Variants in PDIA2 observed in about 807,000 individuals in gnomAD.
The protein encoded by PDIA2 is protein disulfide isomerase family A member 2, also known as protein disulfide-isomerase A2.
A neutral mutation model predicts 51.1 loss-of-function variants in PDIA2; 76 were observed. The ratio of observed to expected loss-of-function variants is 1.49; its 90% CI spans 1.24 to 1.80. The LOEUF (loss-of-function observed/expected upper bound fraction) is 1.80, where lower values mean the gene tolerates loss of function less well. Among genes scored for constraint, PDIA2 ranks in the 40% most tolerant of loss-of-function variants. The pLI is 0.00. For synonymous variants in PDIA2, 429 were observed against 309.9 expected (o/e 1.38, Z -4.04); for missense variants, 946 against 706.5 (o/e 1.34, Z -3.84).
At chr16:284,318 G>GT in intron 1 of PDIA2, 69 bp from the exon 2 acceptor site, 20 of 1,424,142 alleles carry the variant, frequency 1.4e-5, no homozygotes, top group Non-Finnish European at 1.9e-5. Flanking sequence ...TCCCTGCTGG[G>GT]TTGTCAGGTG....
rs750205803 is a variant in PDIA2, at chr16:285,080, C to A, written c.679-4C>A. 6.2e-7 allele frequency: 1 copy of A among 1,613,032 alleles called. No homozygotes were observed. The highest frequency in any genetic ancestry group is 1.1e-5 in the South Asian group (1 of 91,080). ...CGCCCGCTAACCCACCTGCTGCTGT[C>A]CAGTTTGATGAGGGGCGGGCAGACT... On this transcript the variant is annotated splice_polypyrimidine_tract_variant and splice_region_variant and intron_variant, in intron 4 of 10. Transcript: ENST00000219406.
In PDIA2 at chr16:284,703, G is replaced by GTGGGGCCCAGTGCCATGCGGC. The variant is rs753418013; in HGVS notation, c.455_475dup (p.Gly152_Leu158dup). The GTGGGGCCCAGTGCCATGCGGC allele has an allele frequency of 2.8e-5, 45 of 1,579,626 alleles. No homozygotes were observed. Among genetic ancestry groups the GTGGGGCCCAGTGCCATGCGGC allele is most frequent in the Non-Finnish European group, 3.8e-5 (44 of 1,168,362 alleles). ...CATTGCCGAGTGGCTGCGACGGCGG[G>GTGGGGCCCAGTGCCATGCGGC]TGGGGCCCAGTGCCATGCGGCTGGA... On this transcript the variant is annotated inframe_insertion, in exon 3 of 11. Coordinates refer to ENST00000219406, the MANE Select transcript of PDIA2 (RefSeq NM_006849.4).
chr16:283,426 G>C lies in PDIA2; in HGVS notation c.199+58G>C, dbSNP rs1350186614. 3 of 1,501,546 alleles carry C rather than the reference G, an allele frequency of 2.0e-6. No homozygotes were observed. The East Asian group carries it at 7.0e-5, about 35-fold the overall frequency. The allele number at this position is 1,501,546 out of a possible 1,614,324, so 93.0% of individuals were successfully genotyped here. ...GCGGGGGACCGGCAGAGCCCACCTG[G>C]GGGCCCCACCCTTTGCCGGCAAATG... On this transcript the variant is annotated intron_variant, in intron 1 of 10. Transcript: ENST00000219406.
In PDIA2 at chr16:286,916, C is replaced by A. The variant is rs1048786; in HGVS notation, c.1504C>A (p.Pro502Thr). ...DNGGVLPTEE[P>T]PEEPAAPFPE... ...CGGGGGCGTGCTGCCCACGGAGGAG[C>A]CCCCGGAGGAGCCAGCAGCCCCGTT... The change falls in exon 10 of 11, where the codon CCC becomes ACC. Residue 502 changes from proline to threonine, a missense_variant. Physicochemically the swap from Pro to Thr is conservative, Grantham distance 38. Transcript: ENST00000219406. 1.3e-6 allele frequency: 2 copies of A among 1,597,710 alleles called. No homozygotes were observed. The highest frequency in any genetic ancestry group is 2.2e-5 in the East Asian group (1 of 44,536).
intron 7 of PDIA2, 128 bp downstream of exon 7, chr16:285,831 G>A (rs1354407322): frequency 1.4e-5 from 15 of 1,049,114 alleles, no homozygotes; most frequent in South Asian, 9.4e-5. Context: ...CCCTCAACCC[G>A]GCAATTCTCC....
chr16:284,616 G>C (rs753779317), intron 2 of PDIA2, 23 bp downstream of exon 2: 7 of 1,607,376 alleles, frequency 4.4e-6, no homozygotes, highest in African/African-American at 4.0e-5. Context: ...CCGGTCATTG[G>C]GGGGGCGGTG....
Position 286,673 on chromosome 16 carries a change from G to C in PDIA2, c.1360G>C (p.Asp454His). 2 of 1,612,920 alleles carry C rather than the reference G, an allele frequency of 1.2e-6. No individual in the cohort carries two copies. Among genetic ancestry groups the C allele is most frequent in the Non-Finnish European group, 1.7e-6 (2 of 1,179,994 alleles). ...GCTGGATGCCACGGCCAACGAGCTG[G>C]ATGCCTTCGCTGTGCACGGCTTCCC... ...AELDATANEL[D>H]AFAVHGFPTL... Residue 454 changes from aspartate (D) to histidine (H), a missense_variant, in exon 9 of 11, where the codon GAT (aspartate) becomes CAT (histidine). By Grantham distance (81) the Asp-to-His change is moderately conservative (BLOSUM62 -1). Coordinates refer to ENST00000219406, the MANE Select transcript of PDIA2 (RefSeq NM_006849.4).
At position 284,797 on chromosome 16, in the gene PDIA2, G is replaced by T. The variant is rs752991066; in HGVS notation, c.540+5G>T. On this transcript the variant is annotated splice_donor_5th_base_variant and intron_variant, in intron 3 of 10. Transcript: ENST00000219406. ...GTGGTCATTGGCTTCTTCCAGGTGA[G>T]CCACTGGGCATGGGGGGCCGGGCCA... The T allele has an allele frequency of 4.2e-5, 66 of 1,578,274 alleles. 1 individual carries two copies. The Admixed American group carries it at 6.2e-4, about 15-fold the overall frequency.
chr16:284,540 C>G lies in PDIA2; in HGVS notation c.353C>G (p.Pro118Arg). The change falls in exon 2 of 11, where the codon CCT becomes CGT. Residue 118 changes from proline (P) to arginine (R), a missense_variant. Coordinates refer to ENST00000219406, the MANE Select transcript of PDIA2 (RefSeq NM_006849.4). The part of the protein sequence containing the change: ...LAEEFGVTEY[P>R]TLKFFRNGNR... ...GAGGAGTTTGGTGTGACGGAGTACC[C>G]TACGCTCAAGTTCTTCCGCAATGGG... The G allele has an allele frequency of 2.5e-6, 4 of 1,612,766 alleles. No individual in the cohort carries two copies. Among genetic ancestry groups the G allele is most frequent in the Non-Finnish European group, 3.4e-6 (4 of 1,179,764 alleles).
intron 7 of PDIA2, among the ~76,000 whole-genome samples, 168 bp downstream of exon 7, chr16:285,871 G>GGCGGTTCTCCCAACCCCAAACCC (rs1181321155): frequency 5.4e-4 from 24 of 44,420 alleles, no homozygotes; most frequent in African/African-American, 1.8e-3. Context: ...ACCCCAACCC[G>GGCGGTTCTCCCAACCCCAAACCC]GCGGTTCTCC....
Position 287,144 on chromosome 16 carries a change from TGGACAGGA to T in PDIA2, c.*33_*40del. 2 of 1,611,966 alleles carry T rather than the reference TGGACAGGA, an allele frequency of 1.2e-6. No individual in the cohort carries two copies. Among genetic ancestry groups the T allele is most frequent in the South Asian group, 2.2e-5 (2 of 91,006 alleles). On this transcript the variant is annotated 3_prime_UTR_variant, in exon 11 of 11. Coordinates refer to ENST00000219406, the MANE Select transcript of PDIA2 (RefSeq NM_006849.4). ...CCCGTGTCACCCCCGCCATCACTGC[TGGACAGGA>T]GCCACCCCCTTGGGTACCAGAGGGA...
rs751498892 is a variant in PDIA2, at chr16:284,866, C to CAGGCCCCTCAGGACCTGCAGGACG, written c.541-8_556dup. 6.2e-7 allele frequency: 1 copy of CAGGCCCCTCAGGACCTGCAGGACG among 1,611,622 alleles called. No individual in the cohort carries two copies. Among genetic ancestry groups the CAGGCCCCTCAGGACCTGCAGGACG allele is most frequent in the East Asian group, 2.2e-5 (1 of 44,864 alleles). On this transcript the variant is annotated splice_polypyrimidine_tract_variant and intron_variant, in intron 3 of 10. Coordinates refer to ENST00000219406, the MANE Select transcript of PDIA2 (RefSeq NM_006849.4). Reference sequence around the variant, plus strand: ...GTGGGACCGGGTGGCCTCACAGGGCCAGGCCCCTCAGGACCTGCAGGACGA... The same window carrying CAGGCCCCTCAGGACCTGCAGGACG: ...GTGGGACCGGGTGGCCTCACAGGGCCAGGCCCCTCAGGACCTGCAGGACGAGGCCCCTCAGGACCTGCAGGACGA...
chr16:286,083 C>T (rs1357619355), intron 7 of PDIA2, among the ~76,000 whole-genome samples: 5 of 117,478 alleles, frequency 4.3e-5, no homozygotes, highest in Non-Finnish European at 5.4e-5. Flanking sequence ...GTCCCTCCCC[C>T]CACCAAACCC....
At position 283,346 on chromosome 16, in the gene PDIA2, C is replaced by A. The variant is rs2052310956; in HGVS notation, c.177C>A (p.His59Gln). Residue 59 changes from histidine (H) to glutamine (Q), a missense_variant, in exon 1 of 11, where the codon CAC becomes CAA. His to Gln is a conservative substitution (Grantham distance 24). Transcript: ENST00000219406. ...CCCTGGGCCTGGCCCTGCGGGAGCA[C>A]CCTGCCCTGCTGGTGGAATTCTGTG... ...RHTLGLALRE[H>Q]PALLVEFYAP... The A allele has an allele frequency of 1.2e-6, 2 of 1,603,580 alleles. No homozygotes were observed. Among genetic ancestry groups the A allele is most frequent in the Admixed American group, 1.7e-5 (1 of 58,698 alleles).
Sources: gnomAD v4.1 joint callset for allele counts (sites outside exome capture counted in the v4.1 genomes callset) on GRCh38, gnomAD v4.1.1 for gene constraint, MANE v1.5 for transcripts, NCBI Gene and HGNC (gene_info 2026-07-23, HGNC 2026-07-21) for gene names.